Variants in MOB1B observed in about 807,000 individuals in gnomAD.
MOB1B encodes MOB kinase activator 1B.
Under a neutral mutation model 24.4 loss-of-function variants are expected in MOB1B, and 19 were observed. The ratio of observed to expected loss-of-function variants is 0.78; its 90% CI spans 0.54 to 1.14. The LOEUF (loss-of-function observed/expected upper bound fraction) is 1.14, where lower values mean the gene tolerates loss of function less well. Among genes scored for constraint, MOB1B ranks in the 50% most tolerant of loss-of-function variants. MOB1B has a pLI of 0.00. For missense variants in MOB1B, 243 were observed against 259.6 expected (o/e 0.94, Z 0.44); for synonymous variants, 76 against 82.1 (o/e 0.93, Z 0.40).
chr4:70,968,814 G>T (rs914787477), intron 2 of MOB1B, among the ~76,000 whole-genome samples: 4 of 152,002 alleles, frequency 2.6e-5, no homozygotes, highest in African/African-American at 9.7e-5. Context: ...GCAGAGATGG[G>T]GTCTTGCTAT....
intron 1 of MOB1B, among the ~76,000 whole-genome samples, chr4:70,946,346 A>T (rs1051280330): frequency 6.6e-6 from 1 of 152,118 alleles, no homozygotes; most frequent in Non-Finnish European, 1.5e-5. Context: ...GATAATAAAC[A>T]TTTATTACGC....
At chr4:70,906,379 AAAG>A (rs1735749178) in intron 1 of MOB1B, among the ~76,000 whole-genome samples, 1 of 152,204 alleles carries the variant, frequency 6.6e-6, no homozygotes, top group South Asian at 2.1e-4. Context: ...CGTCTCAAAA[AAAG>A]AAAAAAAATC....
chr4:70,950,575 A>G, intron 1 of MOB1B: 1 of 433,334 alleles, frequency 2.3e-6, no homozygotes. Context: ...AAATAAAGAA[A>G]AATAATAGCT....
rs11331194 is a variant in MOB1B at position 70,946,084 on chromosome 4, CTTTTTT to C, written c.15-12773_15-12768del. Among the ~76,000 whole-genome samples the C allele has an allele frequency of 1.3e-4, 11 of 85,386 alleles. No homozygotes were observed. The East Asian group carries it at 2.5e-3, about 19-fold the overall frequency. 56.0% of individuals were successfully genotyped at this position (85,386 alleles called of 152,430 possible). ...TTGGCTAAGCTGGTTTTTGTTTGTTCTTTTTTTTTTTTTTTTTTTTTTGGCCAAAGT... is the reference window on the plus strand; with the variant it reads ...TTGGCTAAGCTGGTTTTTGTTTGTTCTTTTTTTTTTTTTTTTGGCCAAAGT... On this transcript the variant is annotated intron_variant, in intron 1 of 5. Transcript: ENST00000309395.
chr4:70,971,840 C>T (rs1032108611), intron 3 of MOB1B, among the ~76,000 whole-genome samples: 5 of 152,112 alleles, frequency 3.3e-5, no homozygotes, highest in African/African-American at 4.8e-5. Context: ...TGCATGTGTG[C>T]GTACATAGTG....
intron 1 of MOB1B, among the ~76,000 whole-genome samples, chr4:70,951,974 C>T (rs575660748): frequency 9.9e-5 from 15 of 152,284 alleles, no homozygotes; most frequent in Admixed American, 2.6e-4. Flanking sequence ...GACTTTCGTA[C>T]GTTGTGGCTG....
chr4:70,920,782 T>G (rs1736405726), intron 1 of MOB1B, among the ~76,000 whole-genome samples: 1 of 152,138 alleles, frequency 6.6e-6, no homozygotes, highest in Non-Finnish European at 1.5e-5. Context: ...TGGGGGAAAT[T>G]AGGCAGAGAA....
Position 70,984,973 on chromosome 4 carries a change from G to C in MOB1B, c.*2916G>C, listed in dbSNP as rs972018186. The C allele has an allele frequency of 2.6e-5, 4 of 151,964 alleles. No homozygotes were observed. The highest frequency in any genetic ancestry group is 5.9e-5 in the Non-Finnish European group (4 of 67,980). 9.4% of individuals were successfully genotyped at this position (151,964 alleles called of 1,614,324 possible). ...TGTTAGTCATTTGTAAATTCTAAAT[G>C]GTCACCATAAAATGTATTAGGTAGG... On this transcript the variant is annotated 3_prime_UTR_variant, in exon 6 of 6. Coordinates refer to ENST00000309395, the MANE Select transcript of MOB1B (RefSeq NM_173468.4).
chr4:70,920,686 G>T (rs1422706063), intron 1 of MOB1B, among the ~76,000 whole-genome samples: 1 of 152,164 alleles, frequency 6.6e-6, no homozygotes, highest in African/African-American at 2.4e-5. Flanking sequence ...CTCTCTCTCT[G>T]AGTGATCCTA....
At chr4:70,936,612 C>G (rs943118755) in intron 1 of MOB1B, among the ~76,000 whole-genome samples, 1 of 152,062 alleles carries the variant, frequency 6.6e-6, no homozygotes, top group Non-Finnish European at 1.5e-5. Flanking sequence ...TTTGGAATAT[C>G]TTTTAGCCTT....
chr4:70,950,665 A>G, intron 1 of MOB1B: 1 of 1,128,564 alleles, frequency 8.9e-7, no homozygotes, highest in South Asian at 1.4e-5. Context: ...GGTAAATGTT[A>G]GTTAATATTA....
intron 2 of MOB1B, among the ~76,000 whole-genome samples, chr4:70,964,421 A>G (rs1223979552): frequency 1.3e-5 from 2 of 152,226 alleles, no homozygotes; most frequent in East Asian, 3.8e-4. Flanking sequence ...AGTAAATCTC[A>G]ATGGAAATCA....
chr4:70,956,327 T>C (rs1052058230), intron 1 of MOB1B, among the ~76,000 whole-genome samples: 2 of 152,310 alleles, frequency 1.3e-5, no homozygotes, highest in East Asian at 1.9e-4. Flanking sequence ...GGAGCCCCAC[T>C]GTGTTGCCCA....
chr4:70,902,834 C>A (rs889300458), intron 1 of MOB1B, among the ~76,000 whole-genome samples: 1 of 152,230 alleles, frequency 6.6e-6, no homozygotes, highest in African/African-American at 2.4e-5. Flanking sequence ...TCATCACCCC[C>A]GTCTCTGCCT....
intron 3 of MOB1B, among the ~76,000 whole-genome samples, chr4:70,973,489 A>C (rs1012150170): frequency 3.3e-5 from 5 of 151,992 alleles, no homozygotes; most frequent in South Asian, 4.1e-4. Context: ...AAAAAAAAAA[A>C]AAAACATAAT....
Position 70,987,526 on chromosome 4 carries a change from T to C in MOB1B, c.*5469T>C, listed in dbSNP as rs867971123. On this transcript the variant is annotated 3_prime_UTR_variant, in exon 6 of 6. Coordinates refer to ENST00000309395, the MANE Select transcript of MOB1B (RefSeq NM_173468.4). ...TTTTTTTGGAGCTACTAACTTGTAT[T>C]TATTATTGTACATGCATAACCAGGG... 5 of 152,106 alleles carry C rather than the reference T, an allele frequency of 3.3e-5. No individual in the cohort carries two copies. Among genetic ancestry groups the C allele is most frequent in the Admixed American group, 1.3e-4 (2 of 15,290 alleles). The allele number at this position is 152,106 out of a possible 1,614,324, so 9.4% of individuals were successfully genotyped here. A position where few individuals can be genotyped will look rare whatever the true frequency, so the allele number is the denominator to read the frequency against.
rs550649963 is a variant in MOB1B, at chr4:70,944,893, C to T, written c.15-13981C>T. ...GAAGGACCCACCCCCATGATCCAAA[C>T]ACCTACCAGCATTGGGGATTACAAT... On this transcript the variant is annotated intron_variant, in intron 1 of 5. Transcript: ENST00000309395. 6.8e-4 allele frequency among the ~76,000 whole-genome samples: 104 copies of T among 152,272 alleles called. 1 individual carries two copies. The highest frequency in any genetic ancestry group is 2.4e-3 in the African/African-American group (100 of 41,546).
intron 1 of MOB1B, among the ~76,000 whole-genome samples, chr4:70,947,797 T>C (rs1178095989): frequency 2.6e-5 from 4 of 151,968 alleles, no homozygotes; most frequent in African/African-American, 9.7e-5. Flanking sequence ...TTTGTAGAGA[T>C]AGGGTTTCAA....
chr4:70,948,177 C>T (rs1170873090), intron 1 of MOB1B, among the ~76,000 whole-genome samples: 1 of 152,190 alleles, frequency 6.6e-6, no homozygotes, highest in Non-Finnish European at 1.5e-5. Context: ...AGAACTACCA[C>T]TTGTTGAAAA....
Sources: gnomAD v4.1 joint callset for allele counts (sites outside exome capture counted in the v4.1 genomes callset) on GRCh38, gnomAD v4.1.1 for gene constraint, MANE v1.5 for transcripts, NCBI Gene and HGNC (gene_info 2026-07-23, HGNC 2026-07-21) for gene names.